The following DNM3 variants were observed in gnomAD, a reference collection of about 807,000 sequenced individuals.
DNM3 encodes dynamin-3.
In DNM3, 47 loss-of-function variants were observed where a neutral mutation model predicts 101.6. The ratio of observed to expected loss-of-function variants is 0.46; its 90% CI spans 0.37 to 0.59. The LOEUF (loss-of-function observed/expected upper bound fraction) is 0.59. Ranked by LOEUF, DNM3 falls within the 20% of genes least tolerant of loss-of-function variation. DNM3 has a pLI of 0.00. For synonymous variants in DNM3, 385 were observed against 387.9 expected (o/e 0.99, Z 0.09); for missense variants, 849 against 1,085.7 (o/e 0.78, Z 3.06).
chr1:172,249,464 A>C (rs989460087), intron 14 of DNM3, among the ~76,000 whole-genome samples: 31 of 152,144 alleles, frequency 2.0e-4, no homozygotes, highest in African/African-American at 6.5e-4. Flanking sequence ...GGGAAAGAAC[A>C]CTACACTGAT....
At chr1:171,993,500 T>TTC (rs1366736847) in intron 4 of DNM3, among the ~76,000 whole-genome samples, 9 of 147,450 alleles carry the variant, frequency 6.1e-5, no homozygotes, top group Non-Finnish European at 1.2e-4. Flanking sequence ...TCAAGATTCT[T>TTC]TTTTTTTTTT....
At chr1:172,184,446 A>G (rs1199251227) in intron 14 of DNM3, among the ~76,000 whole-genome samples, 1 of 152,150 alleles carries the variant, frequency 6.6e-6, no homozygotes, top group African/African-American at 2.4e-5. Context: ...GGAATTTGAA[A>G]TTAATTTTTT....
rs562347337 is a variant in DNM3, at chr1:172,314,590, C to G, written c.1881+5751C>G. ...ACGGTGCACCAGGAGAATTATATCC[C>G]GCACCTGGCTCAGAGGGTCCTACGC... is the stretch of plus-strand genomic sequence containing the variant. On this transcript the variant is annotated intron_variant, in intron 16 of 20. Coordinates refer to ENST00000627582, the MANE Select transcript of DNM3 (RefSeq NM_015569.5). 2.0e-5 allele frequency among the ~76,000 whole-genome samples: 3 copies of G among 152,322 alleles called. No individual in the cohort carries two copies. In the South Asian group the frequency reaches 6.2e-4, roughly 32 times the overall value.
chr1:171,923,601 A>G (rs2040344439), intron 2 of DNM3, among the ~76,000 whole-genome samples: 1 of 152,104 alleles, frequency 6.6e-6, no homozygotes, highest in African/African-American at 2.4e-5. Context: ...ATAAAACTTT[A>G]TTCTATGTTT....
chr1:172,364,968 G>A (rs2067932359), intron 17 of DNM3, among the ~76,000 whole-genome samples: 1 of 151,802 alleles, frequency 6.6e-6, no homozygotes, highest in Admixed American at 6.6e-5. Flanking sequence ...AGCCTGCAGA[G>A]TCCTGAGCCA....
In DNM3 at chr1:171,960,568, C is replaced by T. The variant is rs12070381; in HGVS notation, c.236-27088C>T. 9.1e-3 allele frequency among the ~76,000 whole-genome samples: 1,379 copies of T among 152,072 alleles called. 17 individuals are homozygous for T. The highest frequency in any genetic ancestry group is 0.031 in the African/African-American group (1,293 of 41,458). On this transcript the variant is annotated intron_variant, in intron 2 of 20. Transcript: ENST00000627582. ...GCCATCATGAATGGATTAATACCTT[C>T]GTGGGTTAGTGGATTAATGGGTTAA...
At chr1:172,063,370 G>GTT (rs35108021) in intron 10 of DNM3, among the ~76,000 whole-genome samples, 34 of 145,232 alleles carry the variant, frequency 2.3e-4, no homozygotes, top group Non-Finnish European at 3.7e-4. Flanking sequence ...TCTCCCAAGT[G>GTT]TTTTTTTTTT....
intron 3 of DNM3, among the ~76,000 whole-genome samples, chr1:171,988,710 C>A (rs1160320464): frequency 6.6e-6 from 1 of 152,082 alleles, no homozygotes. Context: ...GTTAGGCATG[C>A]AAATCAGTGC....
rs372531891 is a variant in DNM3, at chr1:172,339,263, C to A, written c.1893+15923C>A. ...CTGCCACACTTGGGGGAAGGAAGCA[C>A]CATGAAAATGCTGTTCTTGAAAATT... On this transcript the variant is annotated intron_variant, in intron 17 of 20. Coordinates refer to ENST00000627582, the MANE Select transcript of DNM3 (RefSeq NM_015569.5). Among the ~76,000 whole-genome samples, 372 of 152,290 alleles carry A rather than the reference C, an allele frequency of 2.4e-3. 15 individuals carry two copies. The South Asian group carries it at 0.075, about 31-fold the overall frequency.
intron 14 of DNM3, among the ~76,000 whole-genome samples, chr1:172,235,217 A>G (rs2061492159): frequency 6.6e-6 from 1 of 152,266 alleles, no homozygotes; most frequent in Non-Finnish European, 1.5e-5. Flanking sequence ...AAAAGAAGAC[A>G]TTTATGCAGC....
intron 13 of DNM3, among the ~76,000 whole-genome samples, chr1:172,099,763 TGAAAG>T (rs2054503246): frequency 6.6e-6 from 1 of 152,190 alleles, no homozygotes; most frequent in African/African-American, 2.4e-5. Context: ...GCATGCCACC[TGAAAG>T]TCAGAGATGT....
chr1:172,197,273 GT>G (rs1479399684), intron 14 of DNM3, among the ~76,000 whole-genome samples: 1 of 152,004 alleles, frequency 6.6e-6, no homozygotes, highest in Non-Finnish European at 1.5e-5. Flanking sequence ...CTATGTGCCT[GT>G]TTTTGTATCA....
intron 4 of DNM3, among the ~76,000 whole-genome samples, chr1:171,989,536 C>A (rs1340865812): frequency 6.6e-6 from 1 of 151,986 alleles, no homozygotes; most frequent in East Asian, 1.9e-4. Context: ...CAGTGAAAAA[C>A]CTTTGTGTTT....
chr1:171,915,198 C>T (rs1002115805), intron 1 of DNM3, among the ~76,000 whole-genome samples: 4 of 152,250 alleles, frequency 2.6e-5, no homozygotes, highest in Admixed American at 6.5e-5. Flanking sequence ...TAGGGTTTCA[C>T]TTGGAGAATG....
intron 4 of DNM3, among the ~76,000 whole-genome samples, chr1:172,002,883 A>G (rs1446336905): frequency 2.0e-5 from 3 of 152,134 alleles, no homozygotes; most frequent in African/African-American, 4.8e-5. Context: ...ATTATCATCA[A>G]TGTAAAAGGC....
intron 16 of DNM3, among the ~76,000 whole-genome samples, chr1:172,319,698 G>A (rs2065596167): frequency 6.6e-6 from 1 of 152,190 alleles, no homozygotes; most frequent in Non-Finnish European, 1.5e-5. Flanking sequence ...TCTCACACCA[G>A]TTAGAATGGC....
rs570769084 is a variant in DNM3 at position 172,190,308 on chromosome 1, C to T, written c.1659+59020C>T. 3.9e-5 allele frequency among the ~76,000 whole-genome samples: 6 copies of T among 152,202 alleles called. No individual in the cohort carries two copies. The East Asian group carries it at 1.2e-3, about 29-fold the overall frequency. On this transcript the variant is annotated intron_variant, in intron 14 of 20. Coordinates refer to ENST00000627582, the MANE Select transcript of DNM3 (RefSeq NM_015569.5). ...ATAGTTTGCTCAGAATGATGGTATC[C>T]AGCTCCATCCATGTCCCTATAAAGG...
intron 1 of DNM3, among the ~76,000 whole-genome samples, chr1:171,845,773 A>C (rs1335051008): frequency 6.6e-6 from 1 of 152,202 alleles, no homozygotes; most frequent in Non-Finnish European, 1.5e-5. Context: ...TTTAGAGTGC[A>C]TATAACTCAT....
At chr1:172,057,143 A>G (rs1243998224) in intron 10 of DNM3, among the ~76,000 whole-genome samples, 3 of 152,112 alleles carry the variant, frequency 2.0e-5, no homozygotes, top group Non-Finnish European at 2.9e-5. Flanking sequence ...AAGTTTAGAG[A>G]AAAAAGAATA....
Sources: allele counts gnomAD v4.1 joint callset (sites outside exome capture counted in the v4.1 genomes callset), GRCh38; gene constraint gnomAD v4.1.1; transcripts MANE v1.5; gene names NCBI Gene and HGNC (gene_info 2026-07-23, HGNC 2026-07-21).